Variants in SLC6A9 observed in about 807,000 individuals in gnomAD.
The protein encoded by SLC6A9 is sodium- and chloride-dependent glycine transporter 1.
SLC6A9 carries 31 observed loss-of-function variants against 70.9 expected under a neutral mutation model. The ratio of observed to expected loss-of-function variants is 0.44; its 90% confidence interval spans 0.33 to 0.59. SLC6A9 has a LOEUF of 0.59. Among genes scored for constraint, SLC6A9 ranks in the 20% least tolerant of loss-of-function variants. SLC6A9 has a pLI of 0.04. For missense variants in SLC6A9, 631 were observed against 845.2 expected (o/e 0.75, Z 3.14); for synonymous variants, 310 against 341.3 (o/e 0.91, Z 1.01).
chr1:44,017,063 G>T, intron 2 of SLC6A9: 2 of 1,599,566 alleles, frequency 1.3e-6, no homozygotes, highest in Non-Finnish European at 8.5e-7. Context: ...TGGGGAAGAG[G>T]GGGCCACAGG....
chr1:44,016,731 C>G (rs1001699351), intron 2 of SLC6A9, among the ~76,000 whole-genome samples: 3 of 152,144 alleles, frequency 2.0e-5, no homozygotes, highest in African/African-American at 4.8e-5. Context: ...TTCCTGGGCA[C>G]CTCCGGCCCG....
rs1012311867 is a variant in SLC6A9, at chr1:44,013,680, G to A, written c.31-2798C>T. ...TGTCTTCAACTCCAGGGCTGTCTAC[G>A]CTCAGGTGGCTTGGCTGGGGAGGGC... On this transcript the variant is annotated intron_variant, in intron 2 of 13. Transcript: ENST00000372310. The surrounding 1 kb of genome is among the most constrained non-coding windows in gnomAD (Gnocchi z 5.3). Among the ~76,000 whole-genome samples, 4 of 152,112 alleles carry A rather than the reference G, an allele frequency of 2.6e-5. No individual in the cohort carries two copies. The highest frequency in any genetic ancestry group is 2.1e-4 in the South Asian group (1 of 4,828).
At chr1:44,011,433 G>A in intron 2 of SLC6A9, 1 of 794,978 alleles carries the variant, frequency 1.3e-6, no homozygotes, top group Non-Finnish European at 2.1e-6. Flanking sequence ...AGTGGGCAGG[G>A]CTGGGGGGAA....
chr1:44,000,095 A>G (rs1330514806), intron 12 of SLC6A9, among the ~76,000 whole-genome samples: 2 of 152,216 alleles, frequency 1.3e-5, no homozygotes, highest in African/African-American at 4.8e-5. Context: ...CCCATGCCTC[A>G]GTTTCCTCAT....
rs1295667360 is a variant in SLC6A9, at chr1:44,018,633, TAATA to T, written c.30+5611_30+5614del. On this transcript the variant is annotated intron_variant, in intron 2 of 13. Transcript: ENST00000372310. This position sits in a 1 kb window ranked among gnomAD's most constrained non-coding sequence, Gnocchi z 4.2. ...ATAATAATAATAATAATAATAATAA[TAATA>T]AATAAAAATAAAAAGACAGGTGGGG... Among the ~76,000 whole-genome samples the T allele has an allele frequency of 7.0e-4, 79 of 113,472 alleles. No individual in the cohort carries two copies. Among genetic ancestry groups the T allele is most frequent in the Non-Finnish European group, 1.5e-3 (73 of 47,624 alleles). 74.4% of individuals were successfully genotyped at this position (113,472 alleles called of 152,430 possible).
In SLC6A9 at chr1:43,997,113, C is replaced by T. The variant is rs1399102712; in HGVS notation, c.*432G>A. ...ACTGGGCAGTCCCCCAGCCCTTCAT[C>T]CTGCCCCTAGGGAGGAATAGCCAAA... On this transcript the variant is annotated 3_prime_UTR_variant, in exon 14 of 14. Coordinates refer to ENST00000372310, the MANE Select transcript of SLC6A9 (RefSeq NM_001024845.3). This position sits in a 1 kb window ranked among gnomAD's most constrained non-coding sequence, Gnocchi z 4.4. 1 of 198,468 alleles carries T rather than the reference C, an allele frequency of 5.0e-6. No homozygotes were observed. Among genetic ancestry groups the T allele is most frequent in the African/African-American group, 2.4e-5 (1 of 42,008 alleles). The allele number at this position is 198,468 out of a possible 1,614,324, so 12.3% of individuals were successfully genotyped here. A position where few individuals can be genotyped will look rare whatever the true frequency, so the allele number is the denominator to read the frequency against.
At chr1:43,998,994 G>T (rs2154304181) in intron 12 of SLC6A9, among the ~76,000 whole-genome samples, 1 of 147,622 alleles carries the variant, frequency 6.8e-6, no homozygotes, top group Non-Finnish European at 1.5e-5. Flanking sequence ...GGGGGGGGCA[G>T]TCCCAGCACC....
intron 2 of SLC6A9, among the ~76,000 whole-genome samples, chr1:44,012,922 T>A (rs2086622235): frequency 6.6e-6 from 1 of 152,176 alleles, no homozygotes; most frequent in Non-Finnish European, 1.5e-5. Flanking sequence ...TGTGGCAAGA[T>A]CACAGAGTCA....
rs781331045 is a variant in SLC6A9 at position 44,001,374 on chromosome 1, G to A, written c.1200+16C>T. The stretch of plus-strand genomic sequence containing the variant: ...TCCCTTCCCCAAGCCTCCGGTCCAC[G>A]TCCTGCACCTCGTACCTGAGTGCCC... On this transcript the variant is annotated intron_variant, in intron 9 of 13. Coordinates refer to ENST00000372310, the MANE Select transcript of SLC6A9 (RefSeq NM_001024845.3). 9.9e-6 allele frequency: 16 copies of A among 1,612,448 alleles called. No homozygotes were observed. In the Admixed American group the frequency reaches 1.2e-4, roughly 12 times the overall value.
chr1:43,996,988 C>G lies in SLC6A9; in HGVS notation c.*557G>C, dbSNP rs201145530. On this transcript the variant is annotated 3_prime_UTR_variant, in exon 14 of 14. Transcript: ENST00000372310. ...GCAGGCCTGGAAGACAGACTGAACC[C>G]GAGGCTGGGGGCGAGGAGGTGGCGA... The G allele has an allele frequency of 6.5e-6, 1 of 154,790 alleles. No homozygotes were observed. The highest frequency in any genetic ancestry group is 1.4e-5 in the Non-Finnish European group (1 of 69,812). 9.6% of individuals were successfully genotyped at this position (154,790 alleles called of 1,614,324 possible). A position where few individuals can be genotyped will look rare whatever the true frequency, so the allele number is the denominator to read the frequency against.
At chr1:44,001,111 T>TC (rs2086083476) in intron 10 of SLC6A9, 53 bp downstream of exon 10, 1 of 1,612,916 alleles carries the variant, frequency 6.2e-7, no homozygotes. Context: ...CCCCAACCCT[T>TC]CCCTGCACGT....
rs1385984665 is a variant in SLC6A9 at position 43,997,810 on chromosome 1, G to GC, written c.1707+44dup. On this transcript the variant is annotated intron_variant, in intron 13 of 13. Coordinates refer to ENST00000372310, the MANE Select transcript of SLC6A9 (RefSeq NM_001024845.3). This position sits in a 1 kb window ranked among gnomAD's most constrained non-coding sequence, Gnocchi z 4.4. ...GGAGCCCTTAAGCCCCTTCCAGCTGGCCCCTCCCATTTTGCCTGGCTACCC... is the reference window on the plus strand; with the variant it reads ...GGAGCCCTTAAGCCCCTTCCAGCTGGCCCCCTCCCATTTTGCCTGGCTACCC... The GC allele has an allele frequency of 6.3e-7, 1 of 1,588,838 alleles. No individual in the cohort carries two copies. Among genetic ancestry groups the GC allele is most frequent in the Non-Finnish European group, 8.6e-7 (1 of 1,164,722 alleles).
chr1:43,997,909 G>T lies in SLC6A9; in HGVS notation c.1653C>A (p.Ile551=). Residue 551 remains isoleucine, a synonymous_variant, in exon 13 of 14, where the codon ATC becomes ATA. Transcript: ENST00000372310. The surrounding 1 kb of genome is among the most constrained non-coding windows in gnomAD (Gnocchi z 4.4). ...AGAGCCGGAACATGGCGTAGAGGGG[G>T]ATGCAGAGGACGGAGGACAGAGCCA... ...FLMALSSVLC[I]PLYAMFRLCR... The T allele has an allele frequency of 1.2e-6, 2 of 1,614,146 alleles. No homozygotes were observed. Among genetic ancestry groups the T allele is most frequent in the Non-Finnish European group, 1.7e-6 (2 of 1,179,988 alleles).
At chr1:44,024,107 C>T in intron 2 of SLC6A9, 141 bp downstream of exon 2, 1 of 836,302 alleles carries the variant, frequency 1.2e-6, no homozygotes, top group Non-Finnish European at 2.1e-6. Context: ...TGAGGGGCTA[C>T]CTGCCCAGGC....
In SLC6A9 at chr1:44,018,377, G is replaced by C. The variant is rs377715370; in HGVS notation, c.30+5871C>G. On this transcript the variant is annotated intron_variant, in intron 2 of 13. Coordinates refer to ENST00000372310, the MANE Select transcript of SLC6A9 (RefSeq NM_001024845.3). This position sits in a 1 kb window ranked among gnomAD's most constrained non-coding sequence, Gnocchi z 4.2. ...GGAGGCTGAGGAGGGCAGATCACAA[G>C]GTCAGGAGTTTGAGACCAACCTGAC... is the stretch of plus-strand genomic sequence containing the variant. Among the ~76,000 whole-genome samples, 10 of 152,230 alleles carry C rather than the reference G, an allele frequency of 6.6e-5. 1 individual carries two copies. The highest frequency in any genetic ancestry group is 2.6e-4 in the Admixed American group (4 of 15,294).
At chr1:44,024,525 C>T (rs2086946889) in intron 1 of SLC6A9, among the ~76,000 whole-genome samples, 163 bp from the exon 2 acceptor site, 1 of 152,254 alleles carries the variant, frequency 6.6e-6, no homozygotes, top group Non-Finnish European at 1.5e-5. Context: ...CAGCTCCTTC[C>T]CAGTCCCCCC....
At position 44,010,793 on chromosome 1, in the gene SLC6A9, G is replaced by A. The variant is rs571004944; in HGVS notation, c.120C>T (p.Ser40=). Residue 40 remains serine, a synonymous_variant, in exon 3 of 14, where the codon AGC becomes AGT. Transcript: ENST00000372310. ...TGCCCAGGCCCACGGCATAGCCCAC[G>A]CTCGTCAGTACAAACTCGATCTGGT... ...WGNQIEFVLT[S]VGYAVGLGNV... The A allele has an allele frequency of 1.4e-5, 22 of 1,614,196 alleles. No individual in the cohort carries two copies. Among genetic ancestry groups the A allele is most frequent in the East Asian group, 1.3e-4 (6 of 44,870 alleles).
rs2086539580 is a variant in SLC6A9 at position 44,010,834 on chromosome 1, G to A, written c.79C>T (p.Arg27Trp). Reference protein sequence around the residue: ...EATKRDQNLKRGNWGNQIEFV... With the variant: ...EATKRDQNLKWGNWGNQIEFV... ...TCGATCTGGTTGCCCCAGTTGCCCC[G>A]TTTGAGGTTCTGGTCCCTCTTGGTG... The change falls in exon 3 of 14, where the codon CGG (arginine) becomes TGG (tryptophan). Residue 27 changes from arginine (R) to tryptophan (W), a missense_variant. By Grantham distance (101) the Arg-to-Trp change is moderately radical. Coordinates refer to ENST00000372310, the MANE Select transcript of SLC6A9 (RefSeq NM_001024845.3). 3.7e-6 allele frequency: 6 copies of A among 1,614,090 alleles called. No individual in the cohort carries two copies. The highest frequency in any genetic ancestry group is 1.7e-5 in the Admixed American group (1 of 60,002).
chr1:44,024,389 A>G, intron 1 of SLC6A9, 27 bp from the exon 2 acceptor site: 1 of 1,398,570 alleles, frequency 7.2e-7, no homozygotes, highest in Non-Finnish European at 1.0e-6. Context: ...GGGTGAGGTG[A>G]GGACTTGGCC....
Sources: gnomAD v4.1 joint callset for allele counts (sites outside exome capture counted in the v4.1 genomes callset) on GRCh38, gnomAD v4.1.1 for gene constraint, Gnocchi (gnomAD v3.1) non-coding constraint, MANE v1.5 for transcripts, NCBI Gene and HGNC (gene_info 2026-07-23, HGNC 2026-07-21) for gene names.